Variants in MTA1 observed in about 807,000 individuals in gnomAD.
MTA1 encodes metastasis-associated protein MTA1.
MTA1 carries 15 observed loss-of-function variants against 97.0 expected under a neutral mutation model. The observed-to-expected ratio is 0.15, with a 90% CI of 0.10 to 0.24. The LOEUF is 0.24. Among genes scored for constraint, MTA1 ranks in the 10% least tolerant of loss-of-function variants. MTA1 has a pLI of 1.00. For missense variants in MTA1, 709 were observed against 1,015.1 expected (o/e 0.70, Z 4.10); for synonymous variants, 435 against 417.5 (o/e 1.04, Z -0.51).
chr14:105,467,216 C>A (rs73362043), intron 18 of MTA1: 1 of 359,776 alleles, frequency 2.8e-6, no homozygotes, highest in East Asian at 7.5e-5. Context: ...TGCTCTGTGC[C>A]GGTTGCTTGG....
chr14:105,439,038 G>A (rs797026633), intron 2 of MTA1, among the ~76,000 whole-genome samples: 22 of 152,292 alleles, frequency 1.4e-4, no homozygotes, highest in African/African-American at 5.3e-4. Context: ...GTCCCCTGGG[G>A]AGCCCGAGCG....
chr14:105,456,426 C>T (rs782683395), intron 7 of MTA1, among the ~76,000 whole-genome samples: 9 of 152,248 alleles, frequency 5.9e-5, no homozygotes, highest in Non-Finnish European at 1.0e-4. Context: ...GACTAAGGGT[C>T]CACAAGGCCG....
Position 105,450,330 on chromosome 14 carries a change from G to A in MTA1, c.432+6G>A, listed in dbSNP as rs1374811246. ...AGTCCTACCTGGAGCGGGAGGTGAGGCCCAGCCCGGCCTGGTCTGCCGCAG... is the reference window on the plus strand; with the variant it reads ...AGTCCTACCTGGAGCGGGAGGTGAGACCCAGCCCGGCCTGGTCTGCCGCAG... On this transcript the variant is annotated splice_donor_region_variant and intron_variant, in intron 6 of 20. Coordinates refer to ENST00000331320, the MANE Select transcript of MTA1 (RefSeq NM_004689.4). 3 of 1,598,464 alleles carry A rather than the reference G, an allele frequency of 1.9e-6. No individual in the cohort carries two copies. Among genetic ancestry groups the A allele is most frequent in the Non-Finnish European group, 2.6e-6 (3 of 1,168,854 alleles).
intron 3 of MTA1, chr14:105,445,904 G>A (rs1430693265): frequency 1.7e-5 from 6 of 345,238 alleles, no homozygotes; most frequent in Non-Finnish European, 2.2e-5. Flanking sequence ...TTAATTTTGC[G>A]GAGAGGCTTC....
rs780801198 is a variant in MTA1, at chr14:105,458,388, G to A, written c.653+16G>A. 7 of 1,609,788 alleles carry A rather than the reference G, an allele frequency of 4.3e-6. No homozygotes were observed. The Admixed American group carries it at 1.2e-4, about 27-fold the overall frequency. Reference sequence around the variant, plus strand: ...TGGTGGCCCGGTGAGTCCTGCTCCTGGGCAAGGCCAGCAGGGGTGGTGCCT... The same window carrying A: ...TGGTGGCCCGGTGAGTCCTGCTCCTAGGCAAGGCCAGCAGGGGTGGTGCCT... On this transcript the variant is annotated intron_variant, in intron 8 of 20. Transcript: ENST00000331320.
chr14:105,438,857 C>G, intron 2 of MTA1, 118 bp downstream of exon 2: 1 of 961,014 alleles, frequency 1.0e-6, no homozygotes, highest in Non-Finnish European at 1.6e-6. Flanking sequence ...GGACTGGCCA[C>G]TGCACAGGCC....
intron 2 of MTA1, among the ~76,000 whole-genome samples, chr14:105,442,456 C>T (rs2082568602): frequency 6.6e-6 from 1 of 152,220 alleles, no homozygotes; most frequent in Non-Finnish European, 1.5e-5. Context: ...CTGATATGAG[C>T]CCTTTCTCTT....
intron 4 of MTA1, 124 bp downstream of exon 4, chr14:105,449,533 GC>G: frequency 9.2e-7 from 1 of 1,088,980 alleles, no homozygotes; most frequent in Non-Finnish European, 1.3e-6. Context: ...CGCCCGGCCG[GC>G]CCGGCTGAGG....
chr14:105,466,428 A>AGC lies in MTA1; in HGVS notation c.1627_1628insGC (p.Thr543SerfsTer12). 3 of 795,128 alleles carry AGC rather than the reference A, an allele frequency of 3.8e-6. No homozygotes were observed. The highest frequency in any genetic ancestry group is 6.3e-6 in the Non-Finnish European group (3 of 474,330). The allele number at this position is 795,128 out of a possible 1,614,324, so 49.3% of individuals were successfully genotyped here. A position where few individuals can be genotyped will look rare whatever the true frequency, so the allele number is the denominator to read the frequency against. Reference sequence around the variant, plus strand: ...TCTGCCTGTGTCATTCCCGGCAGAGACCCACCCCCGCCCCCCCAAGCCTGA... The same window carrying AGC: ...TCTGCCTGTGTCATTCCCGGCAGAGAGCCCCACCCCCGCCCCCCCAAGCCTGA... On this transcript the variant is annotated frameshift_variant, in exon 17 of 21. Transcript: ENST00000331320. LOFTEE classifies it high-confidence loss of function.
At chr14:105,461,654 G>T (rs1215018536) in intron 10 of MTA1, among the ~76,000 whole-genome samples, 2 of 152,204 alleles carry the variant, frequency 1.3e-5, no homozygotes, top group Admixed American at 1.3e-4. Flanking sequence ...ACAGGCCAGC[G>T]CAGCAGAGGC....
rs1555421168 is a variant in MTA1, at chr14:105,422,234, C to G, written c.28+2171C>G. ...GCGGCATTTATCCCTGGCTTCTGGA[C>G]CGGAACCCTGGGTTCCGGCAGGACC... On this transcript the variant is annotated intron_variant, in intron 1 of 20. Coordinates refer to ENST00000331320, the MANE Select transcript of MTA1 (RefSeq NM_004689.4). This position sits in a 1 kb window ranked among gnomAD's most constrained non-coding sequence, Gnocchi z 4.3. Among the ~76,000 whole-genome samples the G allele has an allele frequency of 6.6e-6, 1 of 152,172 alleles. No individual in the cohort carries two copies. Among genetic ancestry groups the G allele is most frequent in the African/African-American group, 2.4e-5 (1 of 41,440 alleles).
intron 3 of MTA1, chr14:105,445,940 A>C (rs1555427061): frequency 6.0e-6 from 2 of 332,156 alleles, no homozygotes; most frequent in African/African-American, 2.2e-5. Context: ...TAGTGTTTTC[A>C]GGAAAGCAGT....
At chr14:105,469,324 C>T in intron 18 of MTA1, 143 bp from the exon 19 acceptor site, 1 of 907,490 alleles carries the variant, frequency 1.1e-6, no homozygotes. Flanking sequence ...CCACGTCCCC[C>T]AGGCCCATCC....
intron 7 of MTA1, among the ~76,000 whole-genome samples, chr14:105,455,559 T>G (rs1335829747): frequency 2.0e-5 from 3 of 152,226 alleles, no homozygotes; most frequent in Non-Finnish European, 4.4e-5. Flanking sequence ...TGTTTTGGTT[T>G]GTTTTGAGAG....
Position 105,460,938 on chromosome 14 carries a change from C to T in MTA1, c.927C>T (p.Asp309=). 5 of 1,610,706 alleles carry T rather than the reference C, an allele frequency of 3.1e-6. No homozygotes were observed. The highest frequency in any genetic ancestry group is 4.2e-6 in the Non-Finnish European group (5 of 1,178,838). Residue 309 remains aspartate (D), a synonymous_variant, in exon 10 of 21, where the codon GAC becomes GAT. Transcript: ENST00000331320. ...AAAAATATGGGAAGGATTTCACGGACATTCAGCAAGATTTTGTGAGTACCG... is the reference window on the plus strand; with the variant it reads ...AAAAATATGGGAAGGATTTCACGGATATTCAGCAAGATTTTGTGAGTACCG... ...ALEKYGKDFT[D]IQQDFLPWKS... is the part of the protein sequence containing the mutation.
At chr14:105,440,768 A>G (rs2082484845) in intron 2 of MTA1, among the ~76,000 whole-genome samples, 1 of 152,222 alleles carries the variant, frequency 6.6e-6, no homozygotes, top group South Asian at 2.1e-4. Context: ...CCAGACGCTC[A>G]CCATGTGGAA....
intron 14 of MTA1, 43 bp from the exon 15 acceptor site, chr14:105,464,631 C>A: frequency 1.2e-6 from 2 of 1,608,216 alleles, no homozygotes; most frequent in Non-Finnish European, 1.7e-6. Context: ...CCTCGGCCCC[C>A]GGTCATGGCG....
chr14:105,447,712 G>T (rs894951787), intron 3 of MTA1, among the ~76,000 whole-genome samples: 1 of 152,202 alleles, frequency 6.6e-6, no homozygotes, highest in East Asian at 1.9e-4. Context: ...GAGCCCAGCT[G>T]CAGGGAGCAG....
Position 105,420,039 on chromosome 14 carries a change from G to A in MTA1, c.4G>A (p.Ala2Thr). The change falls in exon 1 of 21, where the codon GCC becomes ACC. Residue 2 changes from alanine (A) to threonine (T), a missense_variant. Transcript: ENST00000331320. This position sits in a 1 kb window ranked among gnomAD's most constrained non-coding sequence, Gnocchi z 5.3. ...CTCCGCCGCCGCCGGCCCGGACATG[G>A]CCGCCAACATGTACAGGGTCGGAGG... M[A>T]ANMYRVGDYV... 2 of 1,089,438 alleles carry A rather than the reference G, an allele frequency of 1.8e-6. No homozygotes were observed. Among genetic ancestry groups the A allele is most frequent in the Non-Finnish European group, 1.1e-6 (1 of 888,096 alleles). 67.5% of individuals were successfully genotyped at this position (1,089,438 alleles called of 1,614,324 possible).
Sources: allele counts gnomAD v4.1 joint callset (sites outside exome capture counted in the v4.1 genomes callset), GRCh38; gene constraint gnomAD v4.1.1; non-coding constraint Gnocchi (gnomAD v3.1); transcripts MANE v1.5; gene names NCBI Gene and HGNC (gene_info 2026-07-23, HGNC 2026-07-21).